Variants in TMEM108 observed in about 807,000 individuals in gnomAD.
TMEM108 encodes the protein cancer/testis antigen 124.
In TMEM108, 12 loss-of-function variants were observed where a neutral mutation model predicts 35.1. The observed-to-expected ratio is 0.34, with a 90% CI of 0.22 to 0.55. TMEM108 has a LOEUF of 0.55. Among genes scored for constraint, TMEM108 ranks in the 20% least tolerant of loss-of-function variants. The pLI is 0.89. For synonymous variants in TMEM108, 287 were observed against 308.6 expected, an observed-to-expected ratio of 0.93 and a Z score of 0.73; for missense variants, 680 against 753.3, an observed-to-expected ratio of 0.90 and a Z score of 1.14.
chr3:133,080,440 T>C (rs1228271640), intron 2 of TMEM108, among the ~76,000 whole-genome samples: 3 of 152,248 alleles, frequency 2.0e-5, no homozygotes, highest in African/African-American at 4.8e-5. Flanking sequence ...TAAGGACATA[T>C]GTTGGTTACC....
chr3:133,305,740 A>G (rs1325261487), intron 3 of TMEM108, among the ~76,000 whole-genome samples: 3 of 152,064 alleles, frequency 2.0e-5, no homozygotes, highest in Non-Finnish European at 4.4e-5. Context: ...CTCCCCATCA[A>G]CACCAATACT....
chr3:133,162,464 C>T (rs546304495), intron 2 of TMEM108, among the ~76,000 whole-genome samples: 4 of 152,292 alleles, frequency 2.6e-5, no homozygotes, highest in Admixed American at 1.3e-4. Context: ...GTAACAGTGA[C>T]CCTGATTCCT....
intron 2 of TMEM108, among the ~76,000 whole-genome samples, chr3:133,112,738 A>G (rs1040982398): frequency 6.6e-5 from 10 of 152,304 alleles, no homozygotes; most frequent in Admixed American, 6.5e-4. Flanking sequence ...GTGTTTATCA[A>G]TTGAGAGTAA....
At chr3:133,215,803 T>C (rs887976708) in intron 2 of TMEM108, among the ~76,000 whole-genome samples, 28 of 152,166 alleles carry the variant, frequency 1.8e-4, no homozygotes, top group Non-Finnish European at 3.1e-4. Flanking sequence ...TACATTTAAA[T>C]ATCTGATCGA....
At chr3:133,133,063 G>A (rs1265641446) in intron 2 of TMEM108, among the ~76,000 whole-genome samples, 3 of 152,190 alleles carry the variant, frequency 2.0e-5, no homozygotes, top group Non-Finnish European at 4.4e-5. Flanking sequence ...CAAAGAAAGT[G>A]GTTTCTTGAG....
chr3:133,269,060 TC>T (rs1456625409), intron 3 of TMEM108, among the ~76,000 whole-genome samples: 1 of 152,236 alleles, frequency 6.6e-6, no homozygotes, highest in Admixed American at 6.5e-5. Context: ...TGTGATGTTC[TC>T]CTGGTCTGCC....
intron 2 of TMEM108, among the ~76,000 whole-genome samples, chr3:133,088,925 A>T (rs143049759): frequency 6.6e-6 from 1 of 152,280 alleles, no homozygotes; most frequent in Non-Finnish European, 1.5e-5. Flanking sequence ...GAAGAGATTT[A>T]ATTGGCTCAC....
chr3:133,083,020 A>T (rs1357565030), intron 2 of TMEM108, among the ~76,000 whole-genome samples: 1 of 152,110 alleles, frequency 6.6e-6, no homozygotes, highest in East Asian at 1.9e-4. Flanking sequence ...ACTTTTTCAA[A>T]AAGTTGCAAT....
intron 2 of TMEM108, among the ~76,000 whole-genome samples, chr3:133,068,739 A>C (rs1236560218): frequency 6.6e-6 from 1 of 152,204 alleles, no homozygotes; most frequent in African/African-American, 2.4e-5. Flanking sequence ...CTGTGAGGAT[A>C]TAAAGTGGGG....
intron 3 of TMEM108, among the ~76,000 whole-genome samples, chr3:133,276,100 A>T (rs1308188252): frequency 6.6e-6 from 1 of 152,208 alleles, no homozygotes; most frequent in Non-Finnish European, 1.5e-5. Flanking sequence ...GGATTGCTAG[A>T]TTAAATATAG....
chr3:133,192,353 A>C (rs903046414), intron 2 of TMEM108, among the ~76,000 whole-genome samples: 1 of 152,194 alleles, frequency 6.6e-6, no homozygotes, highest in African/African-American at 2.4e-5. Flanking sequence ...TCCAGCAGGC[A>C]TGTGGGAAGC....
In TMEM108 at chr3:133,380,922, C is replaced by T. The variant is rs946258595; in HGVS notation, c.1211C>T (p.Thr404Ile). 3.1e-6 allele frequency: 5 copies of T among 1,614,214 alleles called. No homozygotes were observed. Among genetic ancestry groups the T allele is most frequent in the Non-Finnish European group, 4.2e-6 (5 of 1,180,034 alleles). The change falls in exon 4 of 6, where the codon ACT becomes ATT. Residue 404 changes from threonine to isoleucine, a missense_variant. Thr to Ile is a moderately conservative substitution (Grantham distance 89, BLOSUM62 -1). Around this residue, in one of 3 missense-constraint regions of TMEM108, gnomAD observed 526 missense variants for 532.1 expected, o/e 0.99. Coordinates refer to ENST00000321871, the MANE Select transcript of TMEM108 (RefSeq NM_023943.4). The surrounding 1 kb of genome is among the most constrained non-coding windows in gnomAD (Gnocchi z 5.3). ...ACTATTTCTGGAGCCAAGGAGGAGA[C>T]TGTGGCCACCCTCACCATGACCGAC... Reference protein sequence around the residue: ...ESTISGAKEETVATLTMTDRV... With the variant: ...ESTISGAKEEIVATLTMTDRV...
intron 3 of TMEM108, among the ~76,000 whole-genome samples, chr3:133,332,227 G>A (rs1179169448): frequency 2.0e-5 from 3 of 152,154 alleles, no homozygotes; most frequent in Admixed American, 2.0e-4. Context: ...AGGAGCAGAA[G>A]ATGATAAATG....
At chr3:133,266,931 A>AG (rs999193463) in intron 3 of TMEM108, among the ~76,000 whole-genome samples, 1 of 149,748 alleles carries the variant, frequency 6.7e-6, no homozygotes, top group Non-Finnish European at 1.5e-5. Flanking sequence ...AAAAAAAAAA[A>AG]AAGCCGGGCG....
intron 2 of TMEM108, among the ~76,000 whole-genome samples, chr3:133,068,835 T>C (rs897913077): frequency 2.6e-5 from 4 of 152,108 alleles, no homozygotes; most frequent in Non-Finnish European, 5.9e-5. Flanking sequence ...AAGTGAGCTG[T>C]ACAAAGAAGA....
chr3:133,137,065 T>C (rs1944574633), intron 2 of TMEM108, among the ~76,000 whole-genome samples: 1 of 152,222 alleles, frequency 6.6e-6, no homozygotes, highest in Non-Finnish European at 1.5e-5. Context: ...GATAAGAAGT[T>C]GTATTCCTAC....
intron 3 of TMEM108, among the ~76,000 whole-genome samples, chr3:133,263,925 A>G (rs1946660035): frequency 6.6e-6 from 1 of 152,214 alleles, no homozygotes. Context: ...TCATCCTGCA[A>G]AGGAAATAAT....
chr3:133,224,535 G>C (rs891497802), intron 2 of TMEM108, among the ~76,000 whole-genome samples: 12 of 152,108 alleles, frequency 7.9e-5, no homozygotes, highest in Non-Finnish European at 1.8e-4. Context: ...TTGAATCATG[G>C]GGGTGGTTTT....
intron 4 of TMEM108, 139 bp downstream of exon 4, chr3:133,381,300 G>A (rs919303264): frequency 6.2e-5 from 57 of 925,122 alleles, no homozygotes; most frequent in Non-Finnish European, 9.1e-5. Context: ...TAGGTATCAG[G>A]ACAGGTTATC....
Sources: gnomAD v4.1 joint callset for allele counts (sites outside exome capture counted in the v4.1 genomes callset) on GRCh38, gnomAD v4.1.1 for gene constraint, gnomAD v4.1.1 regional missense constraint, Gnocchi (gnomAD v3.1) non-coding constraint, MANE v1.5 for transcripts, NCBI Gene and HGNC (gene_info 2026-07-23, HGNC 2026-07-21) for gene names.